Variants in ERBIN observed in about 807,000 individuals in gnomAD.
The protein encoded by ERBIN is erbb2 interacting protein, also known as densin-180-like protein.
A neutral mutation model predicts 158.4 loss-of-function variants in ERBIN; 60 were observed. The ratio of observed to expected loss-of-function variants is 0.38; its 90% CI spans 0.31 to 0.47. The LOEUF is 0.47. Ranked by LOEUF, ERBIN falls within the 20% of genes least tolerant of loss-of-function variation. The pLI, the probability that ERBIN is intolerant of heterozygous loss-of-function variation, is 0.99. For missense variants in ERBIN, 1,610 were observed against 1,648.0 expected (o/e 0.98, Z 0.40); for synonymous variants, 594 against 557.2 (o/e 1.07, Z -0.93).
chr5:65,944,519 C>T (rs1391781064), intron 1 of ERBIN, among the ~76,000 whole-genome samples: 1 of 152,030 alleles, frequency 6.6e-6, no homozygotes, highest in African/African-American at 2.4e-5. Context: ...ATCCTCCCAC[C>T]TCGTCCTCCC....
intron 1 of ERBIN, among the ~76,000 whole-genome samples, chr5:65,942,256 G>C (rs1036850440): frequency 1.3e-5 from 2 of 152,156 alleles, no homozygotes; most frequent in African/African-American, 4.8e-5. Flanking sequence ...ACATAACTCA[G>C]ATTAGAAAAA....
chr5:66,028,430 C>T, intron 14 of ERBIN, 87 bp downstream of exon 14: 1 of 988,056 alleles, frequency 1.0e-6, no homozygotes, highest in Non-Finnish European at 1.6e-6. Context: ...CATTTAAGAG[C>T]AGCTATACAT....
At chr5:65,947,305 C>T (rs1183136974) in intron 1 of ERBIN, among the ~76,000 whole-genome samples, 1 of 152,198 alleles carries the variant, frequency 6.6e-6, no homozygotes, top group East Asian at 1.9e-4. Context: ...TCTTGGCTCA[C>T]TGCAACCTCC....
Position 66,038,481 on chromosome 5 carries a change from T to C in ERBIN, c.1305T>C (p.Asp435=), listed in dbSNP as rs754163910. The change falls in exon 15 of 26, where the codon GAT becomes GAC. Residue 435 remains aspartate, a splice_region_variant and synonymous_variant. Coordinates refer to ENST00000284037, the MANE Select transcript of ERBIN (RefSeq NM_001253697.2). ...TCCCTCAACAGCCAAGGACTGAGGA[T>C]GGTAGGAATTTCATAATCGATTTTC... ...YMFPQQPRTE[D]VMFISDNESF... The C allele has an allele frequency of 3.8e-6, 6 of 1,589,438 alleles. No homozygotes were observed. In the Admixed American group the frequency reaches 1.1e-4, roughly 28 times the overall value.
rs1292773149 is a variant in ERBIN, at chr5:65,940,599, T to G, written c.-58+13793T>G. ...CTGCCCGGCCGCCCCTACTGGGAAG[T>G]GAGGAGCCCCTCTGCCCGGCCAGCC... On this transcript the variant is annotated intron_variant, in intron 1 of 25. Transcript: ENST00000284037. Among the ~76,000 whole-genome samples, 182 of 67,766 alleles carry G rather than the reference T, an allele frequency of 2.7e-3. 13 individuals are homozygous for G. Among genetic ancestry groups the G allele is most frequent in the African/African-American group, 8.6e-3 (156 of 18,158 alleles). The allele number at this position is 67,766 out of a possible 152,430, so 44.5% of individuals were successfully genotyped here. A position where few individuals can be genotyped will look rare whatever the true frequency, so the allele number is the denominator to read the frequency against.
At chr5:66,030,245 T>G (rs1756718940) in intron 14 of ERBIN, among the ~76,000 whole-genome samples, 2 of 151,692 alleles carry the variant, frequency 1.3e-5, no homozygotes, top group South Asian at 4.2e-4. Flanking sequence ...TTTCACCATG[T>G]TGGCCAGGCT....
chr5:65,931,862 A>G (rs1241885444), intron 1 of ERBIN, among the ~76,000 whole-genome samples: 2 of 139,338 alleles, frequency 1.4e-5, no homozygotes, highest in East Asian at 2.1e-4. Flanking sequence ...CTTGTTGCCC[A>G]GACTGGAGTG....
At chr5:65,997,641 A>G (rs1752576378) in intron 4 of ERBIN, among the ~76,000 whole-genome samples, 1 of 152,194 alleles carries the variant, frequency 6.6e-6, no homozygotes, top group African/African-American at 2.4e-5. Context: ...AACGCTAAAT[A>G]CTGTCATGTA....
At chr5:66,025,276 A>G (rs914841880) in intron 10 of ERBIN, 2 of 568,506 alleles carry the variant, frequency 3.5e-6, no homozygotes, top group African/African-American at 1.9e-5. Flanking sequence ...AATGTACACT[A>G]TGTTAAATAG....
At chr5:65,970,389 G>T (rs1229544471) in intron 1 of ERBIN, among the ~76,000 whole-genome samples, 1 of 152,028 alleles carries the variant, frequency 6.6e-6, no homozygotes, top group Non-Finnish European at 1.5e-5. Context: ...TTAAGTTCTA[G>T]CCCCCTGCTG....
At chr5:65,980,504 A>G (rs1290247516) in intron 1 of ERBIN, among the ~76,000 whole-genome samples, 1 of 152,248 alleles carries the variant, frequency 6.6e-6, no homozygotes, top group Non-Finnish European at 1.5e-5. Context: ...TACATAAAAT[A>G]TGAAAGATCT....
intron 21 of ERBIN, among the ~76,000 whole-genome samples, chr5:66,064,292 A>C (rs928868008): frequency 5.3e-5 from 8 of 152,216 alleles, no homozygotes; most frequent in Non-Finnish European, 1.0e-4. Flanking sequence ...TGAATTAAAG[A>C]TGTATTTTGA....
At chr5:66,024,825 A>G (rs183243356) in intron 10 of ERBIN, among the ~76,000 whole-genome samples, 30 of 152,246 alleles carry the variant, frequency 2.0e-4, no homozygotes, top group East Asian at 1.2e-3. Context: ...TGAGAGATCT[A>G]TGATTGAGTC....
chr5:66,039,002 T>G (rs2085536164), intron 15 of ERBIN, among the ~76,000 whole-genome samples: 1 of 151,688 alleles, frequency 6.6e-6, no homozygotes, highest in Admixed American at 6.6e-5. Context: ...GCAAATTGTT[T>G]TTAGTATATG....
intron 1 of ERBIN, chr5:65,984,645 T>G (rs910475546): frequency 3.3e-5 from 5 of 152,316 alleles, no homozygotes; most frequent in African/African-American, 1.2e-4. Flanking sequence ...CACTTTGGCC[T>G]GAAATAGATA....
intron 1 of ERBIN, among the ~76,000 whole-genome samples, chr5:65,958,263 G>A (rs1189600442): frequency 1.3e-5 from 2 of 152,122 alleles, no homozygotes; most frequent in African/African-American, 4.8e-5. Context: ...GGAGGCCAAG[G>A]CAGGCGGCTG....
intron 1 of ERBIN, among the ~76,000 whole-genome samples, chr5:65,968,139 T>C (rs1258294393): frequency 6.6e-6 from 1 of 152,178 alleles, no homozygotes; most frequent in Non-Finnish European, 1.5e-5. Context: ...GGGAGAAGTG[T>C]AAAAGAATTT....
intron 25 of ERBIN, 71 bp downstream of exon 25, chr5:66,077,020 A>G (rs1762042549): frequency 8.3e-7 from 1 of 1,210,978 alleles, no homozygotes; most frequent in Non-Finnish European, 1.2e-6. Context: ...AAATGTTTTC[A>G]CTTTAACTTT....
At chr5:65,941,659 A>G (rs1745059903) in intron 1 of ERBIN, among the ~76,000 whole-genome samples, 1 of 152,204 alleles carries the variant, frequency 6.6e-6, no homozygotes, top group Non-Finnish European at 1.5e-5. Flanking sequence ...ATGTGTGACA[A>G]GGAAAAGGAT....
Sources: allele counts gnomAD v4.1 joint callset (sites outside exome capture counted in the v4.1 genomes callset), GRCh38; gene constraint gnomAD v4.1.1; transcripts MANE v1.5; gene names NCBI Gene and HGNC (gene_info 2026-07-23, HGNC 2026-07-21).